Variants in ITGB3BP observed in about 807,000 individuals in gnomAD.
ITGB3BP encodes the protein centromere protein R.
ITGB3BP carries 27 observed loss-of-function variants against 29.1 expected under a neutral mutation model. That is an observed-to-expected ratio of 0.93 (90% CI 0.68 to 1.28). ITGB3BP has a LOEUF of 1.28. Ranked by LOEUF, ITGB3BP falls within the 50% of genes most tolerant of loss-of-function variation. The pLI, the probability that ITGB3BP is intolerant of heterozygous loss-of-function variation, is 0.00. For missense variants in ITGB3BP, 192 were observed against 200.2 expected, an observed-to-expected ratio of 0.96 and a Z score of 0.25; for synonymous variants, 61 against 61.4, an observed-to-expected ratio of 0.99 and a Z score of 0.03.
At chr1:63,472,643 G>GTT (rs540697788) in intron 4 of ITGB3BP, among the ~76,000 whole-genome samples, 1 of 142,862 alleles carries the variant, frequency 7.0e-6, no homozygotes, top group Non-Finnish European at 1.5e-5. Flanking sequence ...ATTGGTTTTC[G>GTT]TTTTTTTTTT....
chr1:63,483,181 C>T (rs1197619760), intron 3 of ITGB3BP, among the ~76,000 whole-genome samples: 2 of 152,092 alleles, frequency 1.3e-5, no homozygotes, highest in Non-Finnish European at 2.9e-5. Context: ...GGGTACTTGA[C>T]AGTCTGATAA....
chr1:63,510,165 G>A, intron 1 of ITGB3BP: 1 of 535,504 alleles, frequency 1.9e-6, no homozygotes, highest in Non-Finnish European at 3.4e-6. Flanking sequence ...ACTCTAGCCT[G>A]GGCAACGGGA....
At chr1:63,486,865 T>C (rs1645540992) in intron 3 of ITGB3BP, among the ~76,000 whole-genome samples, 1 of 152,010 alleles carries the variant, frequency 6.6e-6, no homozygotes, top group African/African-American at 2.4e-5. Context: ...GTGCAGAGAT[T>C]ATCAGCATCA....
intron 4 of ITGB3BP, among the ~76,000 whole-genome samples, chr1:63,473,398 T>G (rs1398138729): frequency 1.2e-3 from 132 of 114,086 alleles, no homozygotes; most frequent in African/African-American, 1.9e-3. Context: ...GGTGAGGGGC[T>G]CCTCTGCCCG....
chr1:63,522,792 C>T (rs1035763181), intron 1 of ITGB3BP, among the ~76,000 whole-genome samples: 8 of 152,118 alleles, frequency 5.3e-5, no homozygotes, highest in African/African-American at 1.9e-4. Flanking sequence ...AAGGGACTGA[C>T]AAACTACGAA....
chr1:63,477,486 G>C (rs1645360458), intron 4 of ITGB3BP, among the ~76,000 whole-genome samples: 1 of 152,140 alleles, frequency 6.6e-6, no homozygotes, highest in African/African-American at 2.4e-5. Flanking sequence ...TGGGAGGCCT[G>C]GGCGAGTGGG....
intron 4 of ITGB3BP, among the ~76,000 whole-genome samples, chr1:63,473,625 G>T (rs1438776533): frequency 2.3e-5 from 3 of 129,192 alleles, no homozygotes; most frequent in Non-Finnish European, 3.4e-5. Context: ...AGGTGGGGGG[G>T]TCAGCCCCCC....
chr1:63,511,772 G>C (rs1646204817), intron 1 of ITGB3BP, among the ~76,000 whole-genome samples: 1 of 151,968 alleles, frequency 6.6e-6, no homozygotes, highest in South Asian at 2.1e-4. Flanking sequence ...GTTGCCAGGG[G>C]CTAGAGGGAG....
At chr1:63,469,520 T>C (rs1467454292) in intron 4 of ITGB3BP, among the ~76,000 whole-genome samples, 4 of 152,070 alleles carry the variant, frequency 2.6e-5, no homozygotes, top group Non-Finnish European at 5.9e-5. Context: ...GAGACGGGGT[T>C]TCTCCATGTT....
intron 1 of ITGB3BP, chr1:63,510,128 T>G: frequency 3.2e-6 from 2 of 634,494 alleles, no homozygotes; most frequent in South Asian, 3.4e-5. Flanking sequence ...AAGCAGATGT[T>G]GCAGTGAACG....
chr1:63,525,307 A>G (rs1415737162), upstream of ITGB3BP, among the ~76,000 whole-genome samples: 6 of 152,180 alleles, frequency 3.9e-5, no homozygotes, highest in Admixed American at 1.3e-4. Flanking sequence ...ACAATTATAT[A>G]TATACATATG....
rs1424561303 is a variant in ITGB3BP at position 63,508,548 on chromosome 1, C to T, written c.28G>A (p.Asp10Asn). The T allele has an allele frequency of 7.0e-7, 1 of 1,428,798 alleles. No individual in the cohort carries two copies. The highest frequency in any genetic ancestry group is 1.4e-5 in the South Asian group (1 of 73,250). 88.5% of individuals were successfully genotyped at this position (1,428,798 alleles called of 1,614,324 possible). MPVKRSLKL[D>N]GLLEENSFDP... ...CTTACATTTTCTTCTAACAGACCAT[C>T]CAACTTCAGTGATCTTTTAACACTA... Residue 10 changes from aspartate (D) to asparagine (N), a missense_variant, in exon 2 of 9, where the codon GAT (aspartate) becomes AAT (asparagine). Coordinates refer to ENST00000271002, the MANE Select transcript of ITGB3BP (RefSeq NM_014288.5).
At chr1:63,504,393 A>G (rs1225314233) in intron 2 of ITGB3BP, among the ~76,000 whole-genome samples, 8 of 151,942 alleles carry the variant, frequency 5.3e-5, no homozygotes, top group South Asian at 2.1e-4. Flanking sequence ...GTTGCCTATC[A>G]GCTTAAGGAG....
At chr1:63,514,497 C>T (rs1646267619) in intron 1 of ITGB3BP, among the ~76,000 whole-genome samples, 1 of 152,058 alleles carries the variant, frequency 6.6e-6, no homozygotes, top group Non-Finnish European at 1.5e-5. Context: ...TGTGTATCTT[C>T]TTTTATTAAC....
chr1:63,486,929 GTA>G (rs1645542185), intron 3 of ITGB3BP, among the ~76,000 whole-genome samples: 1 of 152,080 alleles, frequency 6.6e-6, no homozygotes, highest in Non-Finnish European at 1.5e-5. Context: ...GCAACAGGAG[GTA>G]GCTATGAAAT....
At chr1:63,495,250 TTC>T (rs1645759148) in intron 2 of ITGB3BP, among the ~76,000 whole-genome samples, 1 of 152,194 alleles carries the variant, frequency 6.6e-6, no homozygotes, top group Non-Finnish European at 1.5e-5. Context: ...ATTAAAGACT[TTC>T]TTTTTCCCCA....
chr1:63,473,931 GC>G (rs1570191134), intron 4 of ITGB3BP, among the ~76,000 whole-genome samples: 1 of 12,966 alleles, frequency 7.7e-5, no homozygotes, highest in African/African-American at 1.8e-4. Context: ...GGGGGGGTCA[GC>G]CCCCCGCCCG....
chr1:63,478,685 C>T, intron 4 of ITGB3BP, 79 bp downstream of exon 4: 1 of 687,276 alleles, frequency 1.5e-6, no homozygotes, highest in Non-Finnish European at 2.5e-6. Flanking sequence ...CAAATAAATG[C>T]TTTTAAACGG....
At chr1:63,494,925 C>T (rs556646155) in intron 2 of ITGB3BP, among the ~76,000 whole-genome samples, 2 of 152,196 alleles carry the variant, frequency 1.3e-5, no homozygotes, top group African/African-American at 4.8e-5. Context: ...ACTTTACCCA[C>T]CTGAGTAGCT....
Sources: allele counts gnomAD v4.1 joint callset (sites outside exome capture counted in the v4.1 genomes callset), GRCh38; gene constraint gnomAD v4.1.1; transcripts MANE v1.5; gene names NCBI Gene and HGNC (gene_info 2026-07-23, HGNC 2026-07-21).